STAG1: variants seen among roughly 807,000 people sequenced by gnomAD.
STAG1 encodes the protein cohesin subunit SA-1.
A neutral mutation model predicts 170.9 loss-of-function variants in STAG1; 26 were observed. That is an observed-to-expected ratio of 0.15 (90% CI 0.11 to 0.21). STAG1 has a LOEUF of 0.21. Among genes scored for constraint, STAG1 ranks in the 10% least tolerant of loss-of-function variants. STAG1 has a pLI of 1.00. For missense variants in STAG1, 964 were observed against 1,509.5 expected (o/e 0.64, Z 5.99); for synonymous variants, 514 against 497.7 (o/e 1.03, Z -0.44).
chr3:136,394,397 A>G (rs1211060007), intron 22 of STAG1, among the ~76,000 whole-genome samples: 1 of 152,252 alleles, frequency 6.6e-6, no homozygotes, highest in Non-Finnish European at 1.5e-5. Context: ...TACCTAAGTA[A>G]GAAAAATTCC....
chr3:136,608,089 G>A (rs966878065), intron 3 of STAG1, among the ~76,000 whole-genome samples: 6 of 151,166 alleles, frequency 4.0e-5, no homozygotes, highest in Middle Eastern at 3.2e-3. Context: ...AAACCCCATC[G>A]CTACTAAAAA....
chr3:136,400,224 T>C (rs899199514), intron 21 of STAG1, among the ~76,000 whole-genome samples: 2 of 151,176 alleles, frequency 1.3e-5, no homozygotes, highest in African/African-American at 4.9e-5. Flanking sequence ...TAACCAATTA[T>C]CAAAAATTTT....
chr3:136,747,142 G>A (rs1308283255), intron 1 of STAG1, among the ~76,000 whole-genome samples: 1 of 146,358 alleles, frequency 6.8e-6, no homozygotes, highest in Non-Finnish European at 1.5e-5. Flanking sequence ...GCATGGTGGT[G>A]CGTGCCTGCA....
At chr3:136,652,575 G>A (rs796870298) in intron 1 of STAG1, among the ~76,000 whole-genome samples, 6 of 152,232 alleles carry the variant, frequency 3.9e-5, no homozygotes, top group African/African-American at 1.4e-4. Context: ...GAGAGTTAGA[G>A]ACAGACACAT....
intron 1 of STAG1, among the ~76,000 whole-genome samples, chr3:136,644,951 A>G (rs1380295871): frequency 6.6e-6 from 1 of 152,020 alleles, no homozygotes; most frequent in Non-Finnish European, 1.5e-5. Flanking sequence ...GCTGGTGTCG[A>G]ACTGCTGAAT....
intron 1 of STAG1, among the ~76,000 whole-genome samples, chr3:136,690,794 G>A (rs929706881): frequency 2.6e-5 from 4 of 151,846 alleles, no homozygotes; most frequent in African/African-American, 9.7e-5. Flanking sequence ...ATTTAGAAGA[G>A]CTTTGATACT....
At chr3:136,420,776 C>T (rs1429512147) in intron 20 of STAG1, among the ~76,000 whole-genome samples, 1 of 152,138 alleles carries the variant, frequency 6.6e-6, no homozygotes, top group Non-Finnish European at 1.5e-5. Flanking sequence ...TGGGTTACTA[C>T]ATTTACTTGA....
chr3:136,531,907 T>TAAAAAAAAAAAAAAAAAAAAAAAAAAAA (rs58322006), intron 6 of STAG1, among the ~76,000 whole-genome samples: 2 of 90,354 alleles, frequency 2.2e-5, no homozygotes. Flanking sequence ...ACTTAAAGTA[T>TAAAAAAAAAAAAAAAAAAAAAAAAAAAA]AAAAAAAAAA....
At chr3:136,465,487 C>A (rs1451115840) in intron 12 of STAG1, among the ~76,000 whole-genome samples, 3 of 129,370 alleles carry the variant, frequency 2.3e-5, no homozygotes, top group Admixed American at 1.9e-4. Context: ...TCCCAAAATG[C>A]TGGGATTATA....
chr3:136,381,778 A>C (rs1242371366), intron 22 of STAG1, among the ~76,000 whole-genome samples: 1 of 152,192 alleles, frequency 6.6e-6, no homozygotes, highest in Non-Finnish European at 1.5e-5. Flanking sequence ...TAGCTATATG[A>C]TCTCAGAAAA....
At chr3:136,700,145 T>G (rs1190798473) in intron 1 of STAG1, among the ~76,000 whole-genome samples, 1 of 149,714 alleles carries the variant, frequency 6.7e-6, no homozygotes, top group Non-Finnish European at 1.5e-5. Flanking sequence ...GTCCTTCCAG[T>G]TCCTAATTTT....
At position 136,341,434 on chromosome 3, in the gene STAG1, CACTT is replaced by C. The variant is rs772721933; in HGVS notation, c.3557+3_3557+6del. The C allele has an allele frequency of 1.9e-6, 3 of 1,570,188 alleles. No individual in the cohort carries two copies. The highest frequency in any genetic ancestry group is 1.4e-5 in the African/African-American group (1 of 74,054). ...TATGTTCTTGTGATACTCCATGTAACACTTACACAGCATGCCTCACTCCAGTTCT... is the reference window on the plus strand; with the variant it reads ...TATGTTCTTGTGATACTCCATGTAACACACAGCATGCCTCACTCCAGTTCT... On this transcript the variant is annotated splice_donor_5th_base_variant and intron_variant, in intron 31 of 33. Transcript: ENST00000383202.
chr3:136,662,703 C>T (rs1235282826), intron 1 of STAG1, among the ~76,000 whole-genome samples: 3 of 152,132 alleles, frequency 2.0e-5, no homozygotes, highest in South Asian at 4.1e-4. Flanking sequence ...CCTCAGCCCC[C>T]CAAAGTACTA....
intron 9 of STAG1, among the ~76,000 whole-genome samples, chr3:136,490,013 A>G (rs1349016904): frequency 1.3e-5 from 2 of 152,116 alleles, no homozygotes; most frequent in African/African-American, 4.8e-5. Flanking sequence ...CAGGCTTACT[A>G]GAGTTATTTA....
intron 3 of STAG1, among the ~76,000 whole-genome samples, chr3:136,611,480 A>G (rs569112165): frequency 1.3e-5 from 2 of 151,476 alleles, no homozygotes; most frequent in Non-Finnish European, 2.9e-5. Flanking sequence ...TGCATGAAAC[A>G]AAGTTTTGAC....
In STAG1 at chr3:136,338,170, G is replaced by A; in HGVS notation, c.*84C>T. On this transcript the variant is annotated 3_prime_UTR_variant, in exon 34 of 34. Transcript: ENST00000383202. ...AAACAAATCAGATCACATCAAAAGT[G>A]TTTTTCCCCATACAAGCTATCACAG... 1 of 903,408 alleles carries A rather than the reference G, an allele frequency of 1.1e-6. No homozygotes were observed. The highest frequency in any genetic ancestry group is 2.2e-5 in the Admixed American group (1 of 46,142). The allele number at this position is 903,408 out of a possible 1,614,324, so 56.0% of individuals were successfully genotyped here.
chr3:136,574,765 G>A (rs1937394903), intron 4 of STAG1, among the ~76,000 whole-genome samples: 1 of 151,982 alleles, frequency 6.6e-6, no homozygotes, highest in South Asian at 2.1e-4. Flanking sequence ...ACTGATAGAA[G>A]AAGCAAACAA....
Position 136,363,479 on chromosome 3 carries a change from A to G in STAG1, c.2686-12T>C, listed in dbSNP as rs201431655. ...TAGTCATTGTAATACTGTGAGGGAA[A>G]GAAAGAAAACATGGCTTTAAAATTA... On this transcript the variant is annotated splice_polypyrimidine_tract_variant and intron_variant, in intron 25 of 33. Transcript: ENST00000383202. 41 of 1,266,194 alleles carry G rather than the reference A, an allele frequency of 3.2e-5. No individual in the cohort carries two copies. The East Asian group carries it at 1.0e-3, about 31-fold the overall frequency. The allele number at this position is 1,266,194 out of a possible 1,614,324, so 78.4% of individuals were successfully genotyped here. A position where few individuals can be genotyped will look rare whatever the true frequency, so the allele number is the denominator to read the frequency against.
At chr3:136,488,935 G>A (rs2090069646) in intron 9 of STAG1, among the ~76,000 whole-genome samples, 1 of 152,138 alleles carries the variant, frequency 6.6e-6, no homozygotes, top group Non-Finnish European at 1.5e-5. Flanking sequence ...TAAGAAAGAT[G>A]TCTAGCTGAG....
Sources: gnomAD v4.1 joint callset for allele counts (sites outside exome capture counted in the v4.1 genomes callset) on GRCh38, gnomAD v4.1.1 for gene constraint, MANE v1.5 for transcripts, NCBI Gene and HGNC (gene_info 2026-07-23, HGNC 2026-07-21) for gene names.